The following FANK1 variants were observed in gnomAD, a reference collection of about 807,000 sequenced individuals.
The protein encoded by FANK1 is fibronectin type III and ankyrin repeat domains 1, also known as fibronectin type 3 and ankyrin repeat domains protein 1.
In FANK1, 44 loss-of-function variants were observed where a neutral mutation model predicts 45.3. The observed-to-expected ratio is 0.97, with a 90% CI of 0.76 to 1.25. FANK1 has a LOEUF of 1.25. Ranked by LOEUF, FANK1 falls within the 50% of genes most tolerant of loss-of-function variation. FANK1 has a pLI of 0.00. For missense variants in FANK1, 391 were observed against 424.4 expected (o/e 0.92, Z 0.69); for synonymous variants, 149 against 152.5 (o/e 0.98, Z 0.17).
chr10:125,992,532 G>A (rs1288826794), intron 3 of FANK1, among the ~76,000 whole-genome samples: 1 of 152,170 alleles, frequency 6.6e-6, no homozygotes, highest in Non-Finnish European at 1.5e-5. Flanking sequence ...AGAGTAAGCT[G>A]TGAAGTGCTC....
At chr10:125,925,084 A>G (rs927195387) in intron 1 of FANK1, among the ~76,000 whole-genome samples, 9 of 152,014 alleles carry the variant, frequency 5.9e-5, no homozygotes, top group African/African-American at 2.2e-4. Flanking sequence ...TTCTGTAGTT[A>G]AATCTCATGT....
intron 5 of FANK1, among the ~76,000 whole-genome samples, 196 bp from the exon 6 acceptor site, chr10:125,997,224 C>T (rs1381588520): frequency 6.6e-6 from 1 of 152,140 alleles, no homozygotes; most frequent in Non-Finnish European, 1.5e-5. Flanking sequence ...AAGGTAAAAG[C>T]CCACATTTCT....
intron 6 of FANK1, among the ~76,000 whole-genome samples, chr10:126,000,714 A>G (rs1331079613): frequency 2.0e-5 from 3 of 152,192 alleles, no homozygotes; most frequent in African/African-American, 7.2e-5. Context: ...AGTGTATTAT[A>G]TATTTTTAAA....
At chr10:126,004,767 C>A in intron 6 of FANK1, 117 bp from the exon 7 acceptor site, 2 of 984,074 alleles carry the variant, frequency 2.0e-6, no homozygotes, top group Non-Finnish European at 1.6e-6. Flanking sequence ...ATGAACAGTT[C>A]CCATGGCTTT....
intron 1 of FANK1, chr10:125,972,335 TAGTCACCTGTAA>T (rs1170207975): frequency 6.6e-6 from 1 of 152,214 alleles, no homozygotes; most frequent in Non-Finnish European, 1.5e-5. Flanking sequence ...TGCACTCTGC[TAGTCACCTGTAA>T]ATATACATAT....
At chr10:125,936,823 T>A (rs1166931415) in intron 1 of FANK1, among the ~76,000 whole-genome samples, 1 of 152,080 alleles carries the variant, frequency 6.6e-6, no homozygotes, top group Non-Finnish European at 1.5e-5. Flanking sequence ...ATCCGAGCAC[T>A]TAGGGAGGCT....
In FANK1 at chr10:126,002,319, A is replaced by C. The variant is rs529535869; in HGVS notation, c.540-2565A>C. Among the ~76,000 whole-genome samples the C allele has an allele frequency of 3.9e-5, 6 of 152,130 alleles. No individual in the cohort carries two copies. In the South Asian group the frequency reaches 1.2e-3, roughly 32 times the overall value. ...AGAGTGAGACTCTGTCTCAAAAAAA[A>C]CAAACAAAAAGTCATGCAGACAATT... On this transcript the variant is annotated intron_variant, in intron 6 of 10. Transcript: ENST00000368693.
intron 1 of FANK1, among the ~76,000 whole-genome samples, chr10:125,954,350 G>A (rs995304958): frequency 6.6e-6 from 1 of 152,188 alleles, no homozygotes; most frequent in Non-Finnish European, 1.5e-5. Context: ...TGCTGAACAA[G>A]CTAAACCTTT....
At chr10:125,940,659 C>G (rs1240519377) in intron 1 of FANK1, among the ~76,000 whole-genome samples, 1 of 152,060 alleles carries the variant, frequency 6.6e-6, no homozygotes, top group Non-Finnish European at 1.5e-5. Flanking sequence ...GGATCATTTA[C>G]AGGTGTCGGG....
rs777933185 is a variant in FANK1 at position 125,980,326 on chromosome 10, G to T, written c.179G>T (p.Gly60Val). Reference sequence around the variant, plus strand: ...GAAGACCCCAAAATGCACACTTATGGTATCATTTATACGTAGGTGCAGTGT... The same window carrying T: ...GAAGACCCCAAAATGCACACTTATGTTATCATTTATACGTAGGTGCAGTGT... The part of the protein sequence containing the change: ...EEEDPKMHTY[G>V]IIYTGYATKH... Residue 60 changes from glycine to valine, a missense_variant, in exon 2 of 11, where the codon GGT becomes GTT. Transcript: ENST00000368693. 6.2e-7 allele frequency: 1 copy of T among 1,613,886 alleles called. No homozygotes were observed. Among genetic ancestry groups the T allele is most frequent in the African/African-American group, 1.3e-5 (1 of 74,988 alleles).
At chr10:125,972,281 C>G (rs1950566372) in intron 1 of FANK1, 1 of 152,156 alleles carries the variant, frequency 6.6e-6, no homozygotes, top group Admixed American at 6.5e-5. Flanking sequence ...CTTACCAAGG[C>G]TCGGTGCCGC....
intron 7 of FANK1, among the ~76,000 whole-genome samples, chr10:126,005,537 A>G (rs1159477753): frequency 6.6e-6 from 1 of 152,014 alleles, no homozygotes; most frequent in Non-Finnish European, 1.5e-5. Context: ...TGAACTCCTG[A>G]CCTTAAGTGA....
Position 125,980,265 on chromosome 10 carries a change from C to T in FANK1, c.118C>T (p.Pro40Ser). The change falls in exon 2 of 11, where the codon CCT becomes TCT. Residue 40 changes from proline to serine, a missense_variant. Transcript: ENST00000368693. ...DLEKKAKRQG[P>S]QEQWFRFSIE... is the part of the protein sequence containing the mutation. The stretch of plus-strand genomic sequence containing the variant: ...GGAAAAGAAAGCCAAACGCCAAGGA[C>T]CTCAAGAGCAGTGGTTCAGGTTCTC... The T allele has an allele frequency of 1.2e-6, 2 of 1,614,148 alleles. No homozygotes were observed. Among genetic ancestry groups the T allele is most frequent in the Non-Finnish European group, 1.7e-6 (2 of 1,180,028 alleles).
chr10:125,966,741 A>T (rs1950219978), intron 1 of FANK1, among the ~76,000 whole-genome samples: 1 of 152,206 alleles, frequency 6.6e-6, no homozygotes, highest in African/African-American at 2.4e-5. Flanking sequence ...TGTTGCTATC[A>T]TATATGTATA....
intron 1 of FANK1, among the ~76,000 whole-genome samples, chr10:125,966,588 A>C (rs1034088024): frequency 3.3e-5 from 5 of 152,206 alleles, no homozygotes; most frequent in Admixed American, 6.5e-5. Flanking sequence ...GGGTGTAAGT[A>C]AACTTTTTCC....
intron 3 of FANK1, chr10:125,994,983 A>C: frequency 1.0e-6 from 1 of 978,158 alleles, no homozygotes; most frequent in Non-Finnish European, 1.2e-6. Flanking sequence ...CCTGGGAAGA[A>C]CTGAAAATTT....
intron 6 of FANK1, among the ~76,000 whole-genome samples, chr10:125,998,642 A>T (rs1952522588): frequency 6.6e-6 from 1 of 152,192 alleles, no homozygotes; most frequent in Admixed American, 6.5e-5. Flanking sequence ...AGAAGAAAAA[A>T]ATTAGAAGTT....
intron 1 of FANK1, among the ~76,000 whole-genome samples, chr10:125,952,522 T>A (rs1056646996): frequency 6.6e-6 from 1 of 152,098 alleles, no homozygotes; most frequent in Admixed American, 6.6e-5. Context: ...CAAACCAGGA[T>A]CACCCTTGTG....
Position 125,995,443 on chromosome 10 carries a change from C to A in FANK1, c.343C>A (p.His115Asn). The A allele has an allele frequency of 6.2e-7, 1 of 1,614,186 alleles. No homozygotes were observed. The highest frequency in any genetic ancestry group is 8.5e-7 in the Non-Finnish European group (1 of 1,180,020). ...AGAGCCCATAAGTAGTGAGCACTTG[C>A]ACCGGGCTGTCAGTGTGAATGATGA... ...TREPISSEHLHRAVSVNDEDL... is the reference protein window; with the variant it reads ...TREPISSEHLNRAVSVNDEDL... Residue 115 changes from histidine (H) to asparagine (N), a missense_variant, in exon 4 of 11, where the codon CAC (histidine) becomes AAC (asparagine). Transcript: ENST00000368693.
Sources: allele counts gnomAD v4.1 joint callset (sites outside exome capture counted in the v4.1 genomes callset), GRCh38; gene constraint gnomAD v4.1.1; transcripts MANE v1.5; gene names NCBI Gene and HGNC (gene_info 2026-07-23, HGNC 2026-07-21).